NAV2: variants seen among roughly 807,000 people sequenced by gnomAD.
The protein encoded by NAV2 is helicase, APC down-regulated 1.
In NAV2, 54 loss-of-function variants were observed where a neutral mutation model predicts 223.2. The observed-to-expected ratio is 0.24, with a 90% CI of 0.19 to 0.30. NAV2 has a LOEUF of 0.30. Among genes scored for constraint, NAV2 ranks in the 10% least tolerant of loss-of-function variants. The pLI, the probability that NAV2 is intolerant of heterozygous loss-of-function variation, is 1.00. For missense variants in NAV2, 2,806 were observed against 3,147.5 expected (o/e 0.89, Z 2.60); for synonymous variants, 1,279 against 1,239.3 (o/e 1.03, Z -0.67).
intron 1 of NAV2, among the ~76,000 whole-genome samples, chr11:19,429,799 G>A (rs979549380): frequency 2.6e-5 from 4 of 152,172 alleles, no homozygotes; most frequent in Non-Finnish European, 4.4e-5. Context: ...TCCTGAGACC[G>A]TGCAACCAGT....
chr11:19,535,600 C>T (rs1400751944), intron 1 of NAV2, among the ~76,000 whole-genome samples: 1 of 152,190 alleles, frequency 6.6e-6, no homozygotes, highest in Non-Finnish European at 1.5e-5. Context: ...AAAGCTCTGC[C>T]TTAATTAGTA....
At chr11:19,719,963 G>A (rs899911521) in intron 1 of NAV2, among the ~76,000 whole-genome samples, 2 of 152,192 alleles carry the variant, frequency 1.3e-5, no homozygotes, top group Non-Finnish European at 2.9e-5. Context: ...CCAATCTGAG[G>A]GCCTAGCCCA....
intron 1 of NAV2, among the ~76,000 whole-genome samples, chr11:19,470,883 CCTTCT>C (rs1189171057): frequency 6.6e-6 from 1 of 152,134 alleles, no homozygotes; most frequent in Admixed American, 6.5e-5. Context: ...CCCTTCTCTT[CCTTCT>C]CTTGTCAGTG....
intron 1 of NAV2, among the ~76,000 whole-genome samples, chr11:19,631,821 G>GATTGCTC (rs1217344513): frequency 1.3e-5 from 2 of 152,242 alleles, no homozygotes; most frequent in Non-Finnish European, 2.9e-5. Flanking sequence ...CGAGGGCAAG[G>GATTGCTC]ATTGCTCAGT....
chr11:19,548,301 T>A (rs1048198653), intron 1 of NAV2, among the ~76,000 whole-genome samples: 1 of 152,216 alleles, frequency 6.6e-6, no homozygotes, highest in African/African-American at 2.4e-5. Flanking sequence ...AGAATTCGGT[T>A]ATTACCCTTC....
At chr11:19,578,537 C>T (rs2045630181) in intron 1 of NAV2, among the ~76,000 whole-genome samples, 1 of 152,114 alleles carries the variant, frequency 6.6e-6, no homozygotes, top group Non-Finnish European at 1.5e-5. Context: ...CAGTTCTGGC[C>T]CTGCTCTGTG....
At chr11:20,078,152 G>A (rs1429894456) in intron 24 of NAV2, 48 bp downstream of exon 24, 6 of 1,353,912 alleles carry the variant, frequency 4.4e-6, no homozygotes, top group Non-Finnish European at 6.3e-6. Context: ...CCTGCCCTTA[G>A]GAGCCCTCCC....
chr11:19,664,417 C>T (rs1384840863), intron 1 of NAV2, among the ~76,000 whole-genome samples: 1 of 152,242 alleles, frequency 6.6e-6, no homozygotes, highest in East Asian at 1.9e-4. Context: ...TATCCCTGAG[C>T]TTTTAGTAGT....
chr11:19,784,208 G>A (rs1459268003), intron 1 of NAV2, among the ~76,000 whole-genome samples: 1 of 151,694 alleles, frequency 6.6e-6, no homozygotes, highest in African/African-American at 2.4e-5. Flanking sequence ...GACCAACATG[G>A]AGAAACCTCG....
intron 1 of NAV2, among the ~76,000 whole-genome samples, chr11:19,685,803 G>T (rs2049006548): frequency 6.6e-6 from 1 of 152,030 alleles, no homozygotes; most frequent in Non-Finnish European, 1.5e-5. Flanking sequence ...GTCTCAGAGG[G>T]CCCCTGTTGC....
rs543138962 is a variant in NAV2 at position 20,033,793 on chromosome 11, G to A, written c.2769-2166G>A. ...TGTACAGGCAGGTATCTTCCAAGCT[G>A]CTGGAATGAACTAGAACTTTGGGGT... On this transcript the variant is annotated intron_variant, in intron 11 of 37. Transcript: ENST00000349880. Among the ~76,000 whole-genome samples, 9 of 150,324 alleles carry A rather than the reference G, an allele frequency of 6.0e-5. No individual in the cohort carries two copies. In the East Asian group the frequency reaches 1.8e-3, roughly 29 times the overall value.
At chr11:19,385,084 C>A (rs557439445) in intron 1 of NAV2, 5 of 152,136 alleles carry the variant, frequency 3.3e-5, no homozygotes, top group Non-Finnish European at 7.4e-5. Flanking sequence ...AAAAGAAGTT[C>A]CACAGCCTTG....
intron 18 of NAV2, among the ~76,000 whole-genome samples, chr11:20,055,512 C>T (rs1482901676): frequency 6.6e-6 from 1 of 152,178 alleles, no homozygotes; most frequent in Non-Finnish European, 1.5e-5. Flanking sequence ...GAAGGTGATA[C>T]TGGCCTGTCT....
At chr11:19,765,622 C>T (rs1287253068) in intron 1 of NAV2, among the ~76,000 whole-genome samples, 2 of 152,146 alleles carry the variant, frequency 1.3e-5, no homozygotes, top group African/African-American at 2.4e-5. Context: ...TGGCCTGACC[C>T]TTCTCTCCTG....
intron 1 of NAV2, among the ~76,000 whole-genome samples, chr11:19,522,309 G>A (rs2043689534): frequency 6.6e-6 from 1 of 152,200 alleles, no homozygotes; most frequent in African/African-American, 2.4e-5. Context: ...CACCACTGGA[G>A]GAGGAGCCCA....
chr11:19,753,364 A>C, intron 1 of NAV2, among the ~76,000 whole-genome samples: 1 of 151,064 alleles, frequency 6.6e-6, no homozygotes. Context: ...TTTTCTTACC[A>C]CCCCCACCCA....
intron 37 of NAV2, 53 bp downstream of exon 37, chr11:20,114,848 G>T: frequency 2.0e-6 from 3 of 1,530,020 alleles, no homozygotes; most frequent in East Asian, 2.3e-5. Flanking sequence ...CTTACTGTGT[G>T]TTGGGTATGA....
chr11:19,655,204 A>G (rs1459808034), intron 1 of NAV2, among the ~76,000 whole-genome samples: 1 of 152,248 alleles, frequency 6.6e-6, no homozygotes, highest in Non-Finnish European at 1.5e-5. Context: ...ACCATCTCAT[A>G]CCAGTTAGAA....
At chr11:19,732,261 G>GAA (rs59674883) in intron 1 of NAV2, among the ~76,000 whole-genome samples, 43 of 135,576 alleles carry the variant, frequency 3.2e-4, no homozygotes, top group African/African-American at 5.1e-4. Context: ...TCCGTCTCAA[G>GAA]AAAAAAAAAA....
Sources: gnomAD v4.1 joint callset for allele counts (sites outside exome capture counted in the v4.1 genomes callset) on GRCh38, gnomAD v4.1.1 for gene constraint, MANE v1.5 for transcripts, NCBI Gene and HGNC (gene_info 2026-07-23, HGNC 2026-07-21) for gene names.